The following LHFPL2 variants were observed in gnomAD, a reference collection of about 807,000 sequenced individuals.
The protein encoded by LHFPL2 is LHFPL tetraspan subfamily member 2.
LHFPL2 carries 7 observed loss-of-function variants against 17.5 expected under a neutral mutation model. The ratio of observed to expected loss-of-function variants is 0.40; its 90% CI spans 0.23 to 0.75. The LOEUF is 0.75. Among genes scored for constraint, LHFPL2 ranks in the 30% least tolerant of loss-of-function variants. The pLI is 0.37. For synonymous variants in LHFPL2, 134 were observed against 116.2 expected (o/e 1.15, Z -0.99); for missense variants, 241 against 294.8 (o/e 0.82, Z 1.34).
At chr5:78,579,843 T>C (rs948306594) in intron 2 of LHFPL2, among the ~76,000 whole-genome samples, 1 of 152,216 alleles carries the variant, frequency 6.6e-6, no homozygotes, top group Admixed American at 6.5e-5. Context: ...ATTTATAGTC[T>C]TTTGGGTATA....
chr5:78,618,567 T>C (rs1200077980), intron 2 of LHFPL2, among the ~76,000 whole-genome samples: 1 of 151,966 alleles, frequency 6.6e-6, no homozygotes, highest in African/African-American at 2.4e-5. Flanking sequence ...CTTAGGGGAG[T>C]TGGACTTACG....
In LHFPL2 at chr5:78,648,415, T is replaced by A. The variant is rs920126385; in HGVS notation, c.-350+84A>T. On this transcript the variant is annotated intron_variant, in intron 1 of 4. Coordinates refer to ENST00000380345, the MANE Select transcript of LHFPL2 (RefSeq NM_005779.3). This position sits in a 1 kb window ranked among gnomAD's most constrained non-coding sequence, Gnocchi z 5.4. The stretch of plus-strand genomic sequence containing the variant: ...CTCGGCCGGCCGCAACGGCTCCCCA[T>A]GCGCCCGCGCGGGGCGCCCACCTGG... The A allele has an allele frequency of 6.6e-6, 1 of 151,538 alleles. No individual in the cohort carries two copies. Among genetic ancestry groups the A allele is most frequent in the African/African-American group, 2.4e-5 (1 of 41,310 alleles). 9.4% of individuals were successfully genotyped at this position (151,538 alleles called of 1,614,324 possible).
In LHFPL2 at chr5:78,488,296, A is replaced by AC. The variant is rs1314948168; in HGVS notation, c.*600dup. On this transcript the variant is annotated 3_prime_UTR_variant, in exon 5 of 5. Coordinates refer to ENST00000380345, the MANE Select transcript of LHFPL2 (RefSeq NM_005779.3). ...AGTGACAGTTCAGTTGATCCACCTT[A>AC]CCCTAGGATTCAGCCTAGAATAAGT... 1 of 154,738 alleles carries AC rather than the reference A, an allele frequency of 6.5e-6. No individual in the cohort carries two copies. The highest frequency in any genetic ancestry group is 2.4e-5 in the African/African-American group (1 of 41,434). 9.6% of individuals were successfully genotyped at this position (154,738 alleles called of 1,614,324 possible). A position where few individuals can be genotyped will look rare whatever the true frequency, so the allele number is the denominator to read the frequency against.
intron 3 of LHFPL2, among the ~76,000 whole-genome samples, chr5:78,561,556 G>A (rs1413124063): frequency 6.6e-6 from 1 of 152,178 alleles, no homozygotes; most frequent in Non-Finnish European, 1.5e-5. Flanking sequence ...CATCTTCCCT[G>A]GTCCAAACTT....
chr5:78,580,434 G>C (rs1040196039), intron 2 of LHFPL2, among the ~76,000 whole-genome samples: 33 of 151,684 alleles, frequency 2.2e-4, no homozygotes, highest in Non-Finnish European at 2.9e-5. Flanking sequence ...CCTATGTCCT[G>C]AATGGTAATG....
chr5:78,498,691 T>C lies in LHFPL2; in HGVS notation c.431-9538A>G, dbSNP rs1269060384. The stretch of plus-strand genomic sequence containing the variant: ...GCAGACTTCCCATGTGCAGGGACTC[T>C]GGAGACACTCTGCAGTACTGATCCT... On this transcript the variant is annotated intron_variant, in intron 4 of 4. Coordinates refer to ENST00000380345, the MANE Select transcript of LHFPL2 (RefSeq NM_005779.3). Among the ~76,000 whole-genome samples the C allele has an allele frequency of 3.9e-5, 6 of 152,272 alleles. No individual in the cohort carries two copies. The South Asian group carries it at 1.2e-3, about 32-fold the overall frequency.
At chr5:78,587,597 T>C (rs1415863773) in intron 2 of LHFPL2, among the ~76,000 whole-genome samples, 1 of 152,258 alleles carries the variant, frequency 6.6e-6, no homozygotes, top group Non-Finnish European at 1.5e-5. Context: ...GGAAATCTTA[T>C]GAATTTCTCT....
At chr5:78,520,406 C>A (rs143917431) in intron 3 of LHFPL2, among the ~76,000 whole-genome samples, 39 of 152,326 alleles carry the variant, frequency 2.6e-4, no homozygotes, top group African/African-American at 9.1e-4. Flanking sequence ...AAAGTGAAGG[C>A]GCTGGACTTG....
rs1745958975 is a variant in LHFPL2 at position 78,648,243 on chromosome 5, G to T, written c.-350+256C>A. Among the ~76,000 whole-genome samples the T allele has an allele frequency of 6.6e-6, 1 of 152,028 alleles. No individual in the cohort carries two copies. The highest frequency in any genetic ancestry group is 1.5e-5 in the Non-Finnish European group (1 of 67,978). On this transcript the variant is annotated intron_variant, in intron 1 of 4. Transcript: ENST00000380345. The surrounding 1 kb of genome is among the most constrained non-coding windows in gnomAD (Gnocchi z 5.4). ...CCCGGCACAACTTTTTTCCACTTCT[G>T]CGGCCGCCGGCGGCGCTGAGAAGCA... is the stretch of plus-strand genomic sequence containing the variant.
chr5:78,540,199 A>G (rs1469152840), intron 3 of LHFPL2, among the ~76,000 whole-genome samples: 1 of 152,236 alleles, frequency 6.6e-6, no homozygotes, highest in Non-Finnish European at 1.5e-5. Context: ...GCTAAGAGAC[A>G]TGTTTTATGT....
intron 2 of LHFPL2, among the ~76,000 whole-genome samples, chr5:78,587,273 T>C (rs544890919): frequency 6.6e-6 from 1 of 152,340 alleles, no homozygotes; most frequent in Non-Finnish European, 1.5e-5. Context: ...TTGATGCTTG[T>C]TGGCAAAGAT....
chr5:78,598,147 G>A (rs10080116), intron 2 of LHFPL2, among the ~76,000 whole-genome samples: 56,173 of 152,126 alleles, frequency 0.37, 11,197 homozygotes, highest in Middle Eastern at 0.48. Context: ...ACTCACAGGA[G>A]CATGAAGGGA....
At chr5:78,603,304 T>C (rs1185935577) in intron 2 of LHFPL2, among the ~76,000 whole-genome samples, 1 of 152,234 alleles carries the variant, frequency 6.6e-6, no homozygotes, top group Non-Finnish European at 1.5e-5. Flanking sequence ...AATTTTCTCA[T>C]TTATTGATTA....
In LHFPL2 at chr5:78,485,760, C is replaced by T. The variant is rs1470071981; in HGVS notation, c.*3137G>A. 1 of 152,598 alleles carries T rather than the reference C, an allele frequency of 6.6e-6. No homozygotes were observed. The highest frequency in any genetic ancestry group is 1.5e-5 in the Non-Finnish European group (1 of 68,032). 9.5% of individuals were successfully genotyped at this position (152,598 alleles called of 1,614,324 possible). ...CTAGTTATCCTACTAAGAGAAAAGG[C>T]AACATGGCAGCTTCACATTTCACAT... On this transcript the variant is annotated 3_prime_UTR_variant, in exon 5 of 5. Coordinates refer to ENST00000380345, the MANE Select transcript of LHFPL2 (RefSeq NM_005779.3).
At chr5:78,647,437 C>G (rs1027423216) in intron 1 of LHFPL2, among the ~76,000 whole-genome samples, 11 of 152,190 alleles carry the variant, frequency 7.2e-5, no homozygotes, top group African/African-American at 2.7e-4. Context: ...CTCCGGTTTA[C>G]CTCTCTGGGG....
Position 78,486,816 on chromosome 5 carries a change from A to C in LHFPL2, c.*2081T>G, listed in dbSNP as rs1754259063. The C allele has an allele frequency of 6.6e-6, 1 of 152,190 alleles. No homozygotes were observed. The highest frequency in any genetic ancestry group is 2.4e-5 in the African/African-American group (1 of 41,438). 9.4% of individuals were successfully genotyped at this position (152,190 alleles called of 1,614,324 possible). On this transcript the variant is annotated 3_prime_UTR_variant, in exon 5 of 5. Transcript: ENST00000380345. ...GCTCGGAGGATCCTGTGAGCTTAGGACTTAACTTGTAAGGACACTGAGATT... is the reference window on the plus strand; with the variant it reads ...GCTCGGAGGATCCTGTGAGCTTAGGCCTTAACTTGTAAGGACACTGAGATT...
At chr5:78,633,506 T>G (rs1302995194) in intron 1 of LHFPL2, among the ~76,000 whole-genome samples, 1 of 152,202 alleles carries the variant, frequency 6.6e-6, no homozygotes, top group African/African-American at 2.4e-5. Flanking sequence ...CCACATTCAG[T>G]GTTTTCACAA....
chr5:78,638,675 T>A (rs189092507), intron 1 of LHFPL2, among the ~76,000 whole-genome samples: 1 of 152,146 alleles, frequency 6.6e-6, no homozygotes, highest in African/African-American at 2.4e-5. Flanking sequence ...CTAAGAGGAC[T>A]GGAGGAGAAT....
intron 2 of LHFPL2, among the ~76,000 whole-genome samples, chr5:78,603,035 C>A (rs1347550899): frequency 6.6e-6 from 1 of 152,114 alleles, no homozygotes; most frequent in African/African-American, 2.4e-5. Context: ...GGACTACAGG[C>A]GCGTGCCACC....
Sources: allele counts gnomAD v4.1 joint callset (sites outside exome capture counted in the v4.1 genomes callset), GRCh38; gene constraint gnomAD v4.1.1; non-coding constraint Gnocchi (gnomAD v3.1); transcripts MANE v1.5; gene names NCBI Gene and HGNC (gene_info 2026-07-23, HGNC 2026-07-21).